ATXN10: variants seen among roughly 807,000 people sequenced by gnomAD.
ATXN10 encodes the protein ataxin-10.
Under a neutral mutation model 52.9 loss-of-function variants are expected in ATXN10, and 28 were observed. The observed-to-expected ratio is 0.53, with a 90% CI of 0.39 to 0.73. ATXN10 has a LOEUF of 0.73. Among genes scored for constraint, ATXN10 ranks in the 30% least tolerant of loss-of-function variants. The probability of loss-of-function intolerance (pLI) is 0.00; values close to 1 mark genes in which losing one functional copy is unlikely to be tolerated. For missense variants in ATXN10, 565 were observed against 577.0 expected, an observed-to-expected ratio of 0.98 and a Z score of 0.21; for synonymous variants, 226 against 221.5, an observed-to-expected ratio of 1.02 and a Z score of -0.18.
At chr22:45,720,932 G>A (rs1282625974) in intron 6 of ATXN10, among the ~76,000 whole-genome samples, 1 of 152,214 alleles carries the variant, frequency 6.6e-6, no homozygotes, top group Non-Finnish European at 1.5e-5. Context: ...TGGGAGGTGA[G>A]AGGGCAAGTG....
intron 9 of ATXN10, among the ~76,000 whole-genome samples, chr22:45,756,364 C>T (rs547953177): frequency 1.3e-5 from 2 of 152,148 alleles, no homozygotes; most frequent in Admixed American, 6.5e-5. Context: ...AGGCTAATCT[C>T]GAGCCCCTGG....
intron 10 of ATXN10, among the ~76,000 whole-genome samples, chr22:45,839,793 T>G (rs1929284749): frequency 6.6e-6 from 1 of 152,162 alleles, no homozygotes; most frequent in Non-Finnish European, 1.5e-5. Context: ...CTTGCCTGGG[T>G]TGCATTTATA....
chr22:45,804,970 C>T (rs1048695400), intron 9 of ATXN10, among the ~76,000 whole-genome samples: 6 of 152,164 alleles, frequency 3.9e-5, no homozygotes, highest in Non-Finnish European at 8.8e-5. Flanking sequence ...CATCTCCTGG[C>T]GATCCTCCCG....
At chr22:45,746,086 TATA>T (rs1407835822) in intron 9 of ATXN10, among the ~76,000 whole-genome samples, 9 of 152,104 alleles carry the variant, frequency 5.9e-5, no homozygotes, top group African/African-American at 1.2e-4. Flanking sequence ...ATCTGTATTG[TATA>T]ATATTTGCAA....
intron 9 of ATXN10, chr22:45,793,192 G>A (rs1049379774): frequency 6.3e-6 from 1 of 158,552 alleles, no homozygotes; most frequent in Non-Finnish European, 1.4e-5. Flanking sequence ...CATTAAATTA[G>A]ATAAAGTACC....
In ATXN10 at chr22:45,805,416, T is replaced by C. The variant is rs1224789478; in HGVS notation, c.1174-1543T>C. Among the ~76,000 whole-genome samples, 1 of 152,162 alleles carries C rather than the reference T, an allele frequency of 6.6e-6. No homozygotes were observed. Among genetic ancestry groups the C allele is most frequent in the Non-Finnish European group, 1.5e-5 (1 of 68,028 alleles). On this transcript the variant is annotated intron_variant, in intron 9 of 11. Transcript: ENST00000252934. This position sits in a 1 kb window ranked among gnomAD's most constrained non-coding sequence, Gnocchi z 4.4. ...ATGTACATGCACATTCAGAGCAGCA[T>C]TATCATGATAACCTAGAGGTGGAAA...
In ATXN10 at chr22:45,699,490, C is replaced by CTTTTTT. The variant is rs917191404; in HGVS notation, c.392-778_392-773dup. ...ATCTTTTTTTTTTTCTTTTTCTTTC[C>CTTTTTT]TTTTTTTTTTTTTTTTTTTGAGACA... On this transcript the variant is annotated intron_variant, in intron 3 of 11. Coordinates refer to ENST00000252934, the MANE Select transcript of ATXN10 (RefSeq NM_013236.4). Among the ~76,000 whole-genome samples the CTTTTTT allele has an allele frequency of 4.3e-5, 5 of 117,282 alleles. 1 individual carries two copies. Among genetic ancestry groups the CTTTTTT allele is most frequent in the African/African-American group, 6.6e-5 (2 of 30,526 alleles). The allele number at this position is 117,282 out of a possible 152,430, so 76.9% of individuals were successfully genotyped here. A position where few individuals can be genotyped will look rare whatever the true frequency, so the allele number is the denominator to read the frequency against.
chr22:45,842,951 C>T lies in ATXN10; in HGVS notation c.1238-40C>T. The T allele has an allele frequency of 6.3e-7, 1 of 1,589,708 alleles. No individual in the cohort carries two copies. Among genetic ancestry groups the T allele is most frequent in the Non-Finnish European group, 8.6e-7 (1 of 1,157,794 alleles). On this transcript the variant is annotated intron_variant, in intron 10 of 11. Transcript: ENST00000252934. The surrounding 1 kb of genome is among the most constrained non-coding windows in gnomAD (Gnocchi z 4.8). ...ATAATTCTTATGTGAAGTTATCAAA[C>T]AGGAAAGTACGTTGTCACATTCCTT...
rs1427199647 is a variant in ATXN10 at position 45,769,150 on chromosome 22, A to C, written c.1173+28612A>C. Reference sequence around the variant, plus strand: ...GTGTTTGGAAATTTTCATTTAAAAAAATGGTTAAAAATTTTTAAAGAGTTG... The same window carrying C: ...GTGTTTGGAAATTTTCATTTAAAAACATGGTTAAAAATTTTTAAAGAGTTG... On this transcript the variant is annotated intron_variant, in intron 9 of 11. Transcript: ENST00000252934. The surrounding 1 kb of genome is among the most constrained non-coding windows in gnomAD (Gnocchi z 4.2). Among the ~76,000 whole-genome samples, 1 of 152,084 alleles carries C rather than the reference A, an allele frequency of 6.6e-6. No individual in the cohort carries two copies. The highest frequency in any genetic ancestry group is 1.5e-5 in the Non-Finnish European group (1 of 68,022).
At chr22:45,785,948 A>T (rs1034303498) in intron 9 of ATXN10, among the ~76,000 whole-genome samples, 1 of 152,252 alleles carries the variant, frequency 6.6e-6, no homozygotes, top group Non-Finnish European at 1.5e-5. Flanking sequence ...CAAAGCAGAC[A>T]AATTTTGTAG....
intron 9 of ATXN10, among the ~76,000 whole-genome samples, chr22:45,794,876 T>C (rs1372065312): frequency 6.6e-6 from 1 of 152,224 alleles, no homozygotes; most frequent in African/African-American, 2.4e-5. Flanking sequence ...CTGGAAAAGT[T>C]AAATATATGG....
In ATXN10 at chr22:45,820,594, T is replaced by C. The variant is rs1171148819; in HGVS notation, c.1237+13572T>C. Among the ~76,000 whole-genome samples, 1 of 152,222 alleles carries C rather than the reference T, an allele frequency of 6.6e-6. No homozygotes were observed. The highest frequency in any genetic ancestry group is 1.5e-5 in the Non-Finnish European group (1 of 68,030). On this transcript the variant is annotated intron_variant, in intron 10 of 11. Transcript: ENST00000252934. The surrounding 1 kb of genome is among the most constrained non-coding windows in gnomAD (Gnocchi z 4.9). ...CTTGTGGTTTTGTAGATCCACATTA[T>C]CCCTTCATTGGAGAAAGTATAAAAA...
In ATXN10 at chr22:45,786,178, A is replaced by G. The variant is rs949544651; in HGVS notation, c.1174-20781A>G. ...TTTCTGGAATTTGGTAGTTGAACTC[A>G]GAGAATATTTGTATTAATCACATTG... On this transcript the variant is annotated intron_variant, in intron 9 of 11. Transcript: ENST00000252934. This position sits in a 1 kb window ranked among gnomAD's most constrained non-coding sequence, Gnocchi z 4.1. 6.6e-6 allele frequency among the ~76,000 whole-genome samples: 1 copy of G among 152,260 alleles called. No individual in the cohort carries two copies. Among genetic ancestry groups the G allele is most frequent in the Admixed American group, 6.5e-5 (1 of 15,290 alleles).
rs1923243994 is a variant in ATXN10 at position 45,688,633 on chromosome 22, T to C, written c.117-1079T>C. On this transcript the variant is annotated intron_variant, in intron 1 of 11. Transcript: ENST00000252934. The surrounding 1 kb of genome is among the most constrained non-coding windows in gnomAD (Gnocchi z 4.0). ...TTCCATAGGTGTCTTCTGCGGCAAC[T>C]GAGCAGCTCTGTAACCTGGGCAGCT... is the stretch of plus-strand genomic sequence containing the variant. Among the ~76,000 whole-genome samples the C allele has an allele frequency of 6.6e-6, 1 of 152,234 alleles. No homozygotes were observed. The highest frequency in any genetic ancestry group is 1.5e-5 in the Non-Finnish European group (1 of 68,036).
Position 45,790,682 on chromosome 22 carries a change from C to T in ATXN10, c.1174-16277C>T, listed in dbSNP as rs1270427485. Among the ~76,000 whole-genome samples, 2 of 152,196 alleles carry T rather than the reference C, an allele frequency of 1.3e-5. No homozygotes were observed. Among genetic ancestry groups the T allele is most frequent in the African/African-American group, 4.8e-5 (2 of 41,446 alleles). On this transcript the variant is annotated intron_variant, in intron 9 of 11. Coordinates refer to ENST00000252934, the MANE Select transcript of ATXN10 (RefSeq NM_013236.4). The surrounding 1 kb of genome is among the most constrained non-coding windows in gnomAD (Gnocchi z 4.7). ...AGTCAAGACCATGCCTTGCTTCTCT[C>T]ATGGGTTTTGTAGGACCCAATCACA... is the stretch of plus-strand genomic sequence containing the variant.
In ATXN10 at chr22:45,727,708, C is replaced by T. The variant is rs905640990; in HGVS notation, c.729-1717C>T. On this transcript the variant is annotated intron_variant, in intron 6 of 11. Coordinates refer to ENST00000252934, the MANE Select transcript of ATXN10 (RefSeq NM_013236.4). This position sits in a 1 kb window ranked among gnomAD's most constrained non-coding sequence, Gnocchi z 4.6. The stretch of plus-strand genomic sequence containing the variant: ...AATAAATTGAGACTTGCTTTGTGGC[C>T]TGCCATGTGGTCTGTCTTTTCTTAG... Among the ~76,000 whole-genome samples the T allele has an allele frequency of 6.6e-6, 1 of 152,052 alleles. No homozygotes were observed. Among genetic ancestry groups the T allele is most frequent in the African/African-American group, 2.4e-5 (1 of 41,384 alleles).
chr22:45,829,456 G>T (rs1295185900), intron 10 of ATXN10, among the ~76,000 whole-genome samples: 1 of 152,128 alleles, frequency 6.6e-6, no homozygotes, highest in African/African-American at 2.4e-5. Flanking sequence ...CAGATTATAT[G>T]ATCTATGGGA....
chr22:45,738,439 A>G, intron 7 of ATXN10: 1 of 354,712 alleles, frequency 2.8e-6, no homozygotes, highest in Non-Finnish European at 5.2e-6. Context: ...CACTGTTGGA[A>G]TGTCTTTTTG....
intron 10 of ATXN10, among the ~76,000 whole-genome samples, chr22:45,814,179 C>G (rs1355899344): frequency 1.3e-5 from 2 of 152,186 alleles, no homozygotes; most frequent in Admixed American, 1.3e-4. Context: ...CACACAAAGG[C>G]TAACTTAAAA....
Sources: gnomAD v4.1 joint callset for allele counts (sites outside exome capture counted in the v4.1 genomes callset) on GRCh38, gnomAD v4.1.1 for gene constraint, Gnocchi (gnomAD v3.1) non-coding constraint, MANE v1.5 for transcripts, NCBI Gene and HGNC (gene_info 2026-07-23, HGNC 2026-07-21) for gene names.